TET3: variants seen among roughly 807,000 people sequenced by gnomAD.
The protein encoded by TET3 is methylcytosine dioxygenase TET3.
TET3 carries 19 observed loss-of-function variants against 141.4 expected under a neutral mutation model. That is an observed-to-expected ratio of 0.13 (90% CI 0.09 to 0.20). The LOEUF is 0.20. Among genes scored for constraint, TET3 ranks in the 10% least tolerant of loss-of-function variants. The pLI is 1.00. For missense variants in TET3, 1,874 were observed against 2,356.9 expected, an observed-to-expected ratio of 0.80 and a Z score of 4.24; for synonymous variants, 1,043 against 980.9, an observed-to-expected ratio of 1.06 and a Z score of -1.18.
At chr2:74,130,019 C>T in the TET3 span, among the ~76,000 whole-genome samples, 1 of 149,878 alleles carries the variant, frequency 6.7e-6, no homozygotes, top group East Asian at 2.0e-4. Context: ...GGCTTGTACC[C>T]GGGAGGCAGA....
intron 4 of TET3, among the ~76,000 whole-genome samples, chr2:74,058,672 AG>A (rs1289037461): frequency 6.6e-6 from 1 of 152,170 alleles, no homozygotes; most frequent in Non-Finnish European, 1.5e-5. Flanking sequence ...ACAAGTGTAC[AG>A]CTCAATACAG....
At chr2:74,009,484 CTG>C (rs1558707155) in intron 3 of TET3, among the ~76,000 whole-genome samples, 1 of 152,228 alleles carries the variant, frequency 6.6e-6, no homozygotes, top group Non-Finnish European at 1.5e-5. Context: ...AGAGAGGAAA[CTG>C]TGCCTTCACC....
intron 3 of TET3, among the ~76,000 whole-genome samples, chr2:74,015,821 C>T (rs1475241116): frequency 6.6e-6 from 1 of 152,128 alleles, no homozygotes; most frequent in East Asian, 1.9e-4. Flanking sequence ...TACCTTCCCA[C>T]CAACACTGAG....
At chr2:73,995,549 C>T (rs575853418) in intron 2 of TET3, among the ~76,000 whole-genome samples, 1 of 152,282 alleles carries the variant, frequency 6.6e-6, no homozygotes, top group South Asian at 2.1e-4. Flanking sequence ...TAGTTGCCAT[C>T]GGCCACAGGT....
At chr2:74,070,207 T>C (rs1305748543) in intron 4 of TET3, among the ~76,000 whole-genome samples, 1 of 152,096 alleles carries the variant, frequency 6.6e-6, no homozygotes, top group Non-Finnish European at 1.5e-5. Context: ...TACCTGAGAC[T>C]GGGTAATTTA....
intron 6 of TET3, 47 bp downstream of exon 6, chr2:74,080,638 T>G (rs1391324266): frequency 1.3e-6 from 2 of 1,490,942 alleles, no homozygotes; most frequent in Non-Finnish European, 9.0e-7. Context: ...CTGGTTCCCC[T>G]TGCTGCATGG....
intron 6 of TET3, 50 bp downstream of exon 6, chr2:74,080,641 C>T (rs766977415): frequency 1.9e-6 from 3 of 1,548,678 alleles, no homozygotes; most frequent in African/African-American, 2.8e-5. Context: ...GTTCCCCTTG[C>T]TGCATGGCCA....
At chr2:74,028,065 C>T (rs1191909882) in intron 3 of TET3, among the ~76,000 whole-genome samples, 1 of 151,646 alleles carries the variant, frequency 6.6e-6, no homozygotes, top group African/African-American at 2.4e-5. Flanking sequence ...GCTCACTGCA[C>T]CTGGAACCCC....
At chr2:74,011,550 G>GC (rs1685435199) in intron 3 of TET3, among the ~76,000 whole-genome samples, 1 of 152,164 alleles carries the variant, frequency 6.6e-6, no homozygotes, top group South Asian at 2.1e-4. Context: ...CTGTGATAGG[G>GC]CACAGGGTAG....
downstream of TET3, among the ~76,000 whole-genome samples, chr2:74,111,411 A>C (rs142525175): frequency 1.3e-4 from 20 of 152,214 alleles, no homozygotes; most frequent in African/African-American, 4.8e-4. Context: ...CAAATTTCCT[A>C]TTCTCCCAGT....
At chr2:74,004,900 A>G (rs1685071704) in intron 3 of TET3, among the ~76,000 whole-genome samples, 1 of 152,172 alleles carries the variant, frequency 6.6e-6, no homozygotes, top group Admixed American at 6.5e-5. Flanking sequence ...ATCGTAGAGT[A>G]GATCTGCTCT....
At chr2:74,123,531 G>A in the TET3 span, among the ~76,000 whole-genome samples, 1 of 152,238 alleles carries the variant, frequency 6.6e-6, no homozygotes, top group East Asian at 1.9e-4. Context: ...GGGCGTGCAG[G>A]AGGGATTCGG....
Position 74,100,561 on chromosome 2 carries a change from A to T in TET3, c.3773A>T (p.Tyr1258Phe). Residue 1258 changes from tyrosine (Y) to phenylalanine (F), a missense_variant, in exon 12 of 12, where the codon TAC becomes TTC. Physicochemically the swap from Tyr to Phe is conservative, Grantham distance 22 (BLOSUM62 3). This residue lies in a region of TET3 where 602 missense variants were observed against 590.2 expected (regional missense o/e 1.02). Coordinates refer to ENST00000409262, the MANE Select transcript of TET3 (RefSeq NM_001287491.2). Reference protein sequence around the residue: ...PSDPYSMNSVYSYHSYYAQPS... With the variant: ...PSDPYSMNSVFSYHSYYAQPS... ...GACCCTTACAGCATGAACAGCGTGT[A>T]CTCCTACCACTCCTACTATGCACAG... 1 of 1,612,964 alleles carries T rather than the reference A, an allele frequency of 6.2e-7. No homozygotes were observed. The highest frequency in any genetic ancestry group is 8.5e-7 in the Non-Finnish European group (1 of 1,179,576).
rs1691421545 is a variant in TET3 at position 74,105,035 on chromosome 2, C to T, written c.*2859C>T. 1 of 397,608 alleles carries T rather than the reference C, an allele frequency of 2.5e-6. No homozygotes were observed. Among genetic ancestry groups the T allele is most frequent in the African/African-American group, 2.1e-5 (1 of 48,604 alleles). The allele number at this position is 397,608 out of a possible 1,614,324, so 24.6% of individuals were successfully genotyped here. A position where few individuals can be genotyped will look rare whatever the true frequency, so the allele number is the denominator to read the frequency against. On this transcript the variant is annotated 3_prime_UTR_variant, in exon 12 of 12. Coordinates refer to ENST00000409262, the MANE Select transcript of TET3 (RefSeq NM_001287491.2). Reference sequence around the variant, plus strand: ...ATATTTAAAAAGTAACTATGCACAGCTCTTTATCCCCCCCTTGCTGCTGAA... The same window carrying T: ...ATATTTAAAAAGTAACTATGCACAGTTCTTTATCCCCCCCTTGCTGCTGAA...
chr2:74,017,334 G>A (rs1484987051), intron 3 of TET3, among the ~76,000 whole-genome samples: 1 of 152,178 alleles, frequency 6.6e-6, no homozygotes, highest in African/African-American at 2.4e-5. Flanking sequence ...CCGCAACTTA[G>A]TCCTTCTATC....
chr2:74,066,060 C>G (rs562731654), intron 4 of TET3, among the ~76,000 whole-genome samples: 2 of 152,244 alleles, frequency 1.3e-5, no homozygotes, highest in Admixed American at 1.3e-4. Flanking sequence ...CCTGGCCCAC[C>G]TGGTTCCTTT....
intron 3 of TET3, among the ~76,000 whole-genome samples, chr2:74,043,744 G>T (rs1367325858): frequency 1.3e-5 from 2 of 152,178 alleles, no homozygotes; most frequent in Non-Finnish European, 2.9e-5. Context: ...GGAACTGCGG[G>T]CTGGGGCCTC....
At chr2:74,028,554 A>T (rs1387188045) in intron 3 of TET3, among the ~76,000 whole-genome samples, 1 of 152,140 alleles carries the variant, frequency 6.6e-6, no homozygotes, top group Non-Finnish European at 1.5e-5. Context: ...CAATTAAAAG[A>T]CTGTTCTTTT....
At chr2:74,009,247 A>C (rs1397051671) in intron 3 of TET3, among the ~76,000 whole-genome samples, 3 of 152,088 alleles carry the variant, frequency 2.0e-5, no homozygotes, top group African/African-American at 7.3e-5. Context: ...CACTCTGCAG[A>C]TGGGGAAGAG....
Sources: gnomAD v4.1 joint callset for allele counts (sites outside exome capture counted in the v4.1 genomes callset) on GRCh38, gnomAD v4.1.1 for gene constraint, gnomAD v4.1.1 regional missense constraint, MANE v1.5 for transcripts, NCBI Gene and HGNC (gene_info 2026-07-23, HGNC 2026-07-21) for gene names.